Variants in PPIP5K2 observed in about 807,000 individuals in gnomAD.
PPIP5K2 encodes inositol hexakisphosphate and diphosphoinositol-pentakisphosphate kinase 2.
A neutral mutation model predicts 154.6 loss-of-function variants in PPIP5K2; 105 were observed. The ratio of observed to expected loss-of-function variants is 0.68; its 90% CI spans 0.58 to 0.80. PPIP5K2 has a LOEUF of 0.80. Ranked by LOEUF, PPIP5K2 falls within the 30% of genes least tolerant of loss-of-function variation. PPIP5K2 has a pLI of 0.00. For missense variants in PPIP5K2, 992 were observed against 1,504.6 expected (o/e 0.66, Z 5.64); for synonymous variants, 480 against 490.3 (o/e 0.98, Z 0.28).
intron 19 of PPIP5K2, among the ~76,000 whole-genome samples, chr5:103,170,646 G>A (rs1024052593): frequency 2.0e-5 from 3 of 149,846 alleles, no homozygotes; most frequent in Non-Finnish European, 3.0e-5. Context: ...TTTATTGTAA[G>A]AGAAACTTTG....
intron 3 of PPIP5K2, among the ~76,000 whole-genome samples, chr5:103,136,272 C>T (rs1791486390): frequency 1.3e-5 from 2 of 152,098 alleles, no homozygotes; most frequent in South Asian, 4.2e-4. Context: ...CATGCCTGGC[C>T]CACTGTTTTT....
intron 29 of PPIP5K2, among the ~76,000 whole-genome samples, chr5:103,194,186 G>GAGACAGAGCA (rs1801698158): frequency 6.7e-6 from 1 of 150,016 alleles, no homozygotes; most frequent in African/African-American, 2.5e-5. Flanking sequence ...TTTTCCCCCC[G>GAGACAGAGCA]AGACAGAGTC....
At position 103,211,485 on chromosome 5, in the gene PPIP5K2, T is replaced by TA. The variant is rs1444235784; in HGVS notation, c.*9852dup. 1 of 152,064 alleles carries TA rather than the reference T, an allele frequency of 6.6e-6. No homozygotes were observed. The highest frequency in any genetic ancestry group is 2.4e-5 in the African/African-American group (1 of 41,420). The allele number at this position is 152,064 out of a possible 1,614,324, so 9.4% of individuals were successfully genotyped here. On this transcript the variant is annotated 3_prime_UTR_variant, in exon 31 of 31. Transcript: ENST00000358359. ...ATCTGCTCAAAAACTCTCACCTACT[T>TA]ACTAGATATAGTGTTTGTAATGTTA... is the stretch of plus-strand genomic sequence containing the variant.
intron 29 of PPIP5K2, 25 bp from the exon 30 acceptor site, chr5:103,194,875 A>T (rs1801817424): frequency 6.3e-7 from 1 of 1,595,442 alleles, no homozygotes; most frequent in Non-Finnish European, 8.5e-7. Flanking sequence ...TTATTAAATT[A>T]ACATGTTTGT....
chr5:103,164,621 GT>G (rs1580284662), intron 17 of PPIP5K2, among the ~76,000 whole-genome samples: 3 of 151,964 alleles, frequency 2.0e-5, no homozygotes, highest in African/African-American at 7.2e-5. Flanking sequence ...TGACCTTTGA[GT>G]TTTGCTTCCA....
At position 103,173,845 on chromosome 5, in the gene PPIP5K2, C is replaced by T. The variant is rs1554220145; in HGVS notation, c.2415-13C>T. 1.4e-6 allele frequency: 2 copies of T among 1,464,294 alleles called. No homozygotes were observed. Among genetic ancestry groups the T allele is most frequent in the Admixed American group, 1.7e-5 (1 of 58,042 alleles). The allele number at this position is 1,464,294 out of a possible 1,614,324, so 90.7% of individuals were successfully genotyped here. A position where few individuals can be genotyped will look rare whatever the true frequency, so the allele number is the denominator to read the frequency against. On this transcript the variant is annotated splice_polypyrimidine_tract_variant and intron_variant, in intron 20 of 30. Coordinates refer to ENST00000358359, the MANE Select transcript of PPIP5K2 (RefSeq NM_001276277.3). ...TATGGTTATGTTTGAACACTGTCTG[C>T]TTCTAATTTTAGGTATTCTAGAGGT...
chr5:103,183,484 A>G, intron 25 of PPIP5K2, 77 bp downstream of exon 25: 21 of 1,231,706 alleles, frequency 1.7e-5, no homozygotes, highest in East Asian at 5.2e-5. Flanking sequence ...GAGGACATCT[A>G]ATCCCTTGTA....
rs1186832912 is a variant in PPIP5K2 at position 103,211,219 on chromosome 5, A to G, written c.*9585A>G. 2 of 152,124 alleles carry G rather than the reference A, an allele frequency of 1.3e-5. No homozygotes were observed. Among genetic ancestry groups the G allele is most frequent in the African/African-American group, 2.4e-5 (1 of 41,438 alleles). The allele number at this position is 152,124 out of a possible 1,614,324, so 9.4% of individuals were successfully genotyped here. The stretch of plus-strand genomic sequence containing the variant: ...CTGCTTTCTGCCCTCCATTCTGACC[A>G]ATGCTGCAACCACAAATAAAAACAT... On this transcript the variant is annotated 3_prime_UTR_variant, in exon 31 of 31. Coordinates refer to ENST00000358359, the MANE Select transcript of PPIP5K2 (RefSeq NM_001276277.3).
At chr5:103,167,910 T>C (rs556070662) in intron 18 of PPIP5K2, among the ~76,000 whole-genome samples, 162 bp from the exon 19 acceptor site, 81 of 152,016 alleles carry the variant, frequency 5.3e-4, no homozygotes, top group African/African-American at 1.9e-3. Flanking sequence ...CCTTTAAGTC[T>C]AAAAGATATA....
chr5:103,208,530 T>A lies in PPIP5K2; in HGVS notation c.*6896T>A, dbSNP rs543526924. ...ATTGGCAACTACAGGGTTACCACCT[T>A]TGGAGTCTCTTTCCTCCTGTCTGCC... is the stretch of plus-strand genomic sequence containing the variant. On this transcript the variant is annotated 3_prime_UTR_variant, in exon 31 of 31. Coordinates refer to ENST00000358359, the MANE Select transcript of PPIP5K2 (RefSeq NM_001276277.3). 1 of 152,358 alleles carries A rather than the reference T, an allele frequency of 6.6e-6. No individual in the cohort carries two copies. 9.4% of individuals were successfully genotyped at this position (152,358 alleles called of 1,614,324 possible). A position where few individuals can be genotyped will look rare whatever the true frequency, so the allele number is the denominator to read the frequency against.
intron 5 of PPIP5K2, among the ~76,000 whole-genome samples, chr5:103,139,423 T>TA (rs1792165852): frequency 6.6e-6 from 1 of 152,166 alleles, no homozygotes; most frequent in African/African-American, 2.4e-5. Flanking sequence ...GTGGTGCCTC[T>TA]AGGAGTCAGC....
rs984762577 is a variant in PPIP5K2 at position 103,128,602 on chromosome 5, G to A, written c.-284-704G>A. Among the ~76,000 whole-genome samples the A allele has an allele frequency of 5.9e-5, 9 of 152,102 alleles. No individual in the cohort carries two copies. The East Asian group carries it at 9.7e-4, about 16-fold the overall frequency. On this transcript the variant is annotated intron_variant, in intron 1 of 30. Transcript: ENST00000358359. ...AGTTCTTTAACTGATACTCATGGAC[G>A]CCTGGTTATGTGGAAGAGTTTGAAT...
Position 103,210,881 on chromosome 5 carries a change from A to G in PPIP5K2, c.*9247A>G, listed in dbSNP as rs1341248402. The G allele has an allele frequency of 6.6e-6, 1 of 152,126 alleles. No individual in the cohort carries two copies. Among genetic ancestry groups the G allele is most frequent in the East Asian group, 1.9e-4 (1 of 5,196 alleles). 9.4% of individuals were successfully genotyped at this position (152,126 alleles called of 1,614,324 possible). A position where few individuals can be genotyped will look rare whatever the true frequency, so the allele number is the denominator to read the frequency against. ...TTGTTTGATATTGTGAATGCAAACT[A>G]TTTTTTTGTGTTAGCCTAAATAAAA... On this transcript the variant is annotated 3_prime_UTR_variant, in exon 31 of 31. Coordinates refer to ENST00000358359, the MANE Select transcript of PPIP5K2 (RefSeq NM_001276277.3).
Position 103,173,152 on chromosome 5 carries a change from C to G in PPIP5K2, c.2287-3C>G, listed in dbSNP as rs376488094. The stretch of plus-strand genomic sequence containing the variant: ...TTTCTAATGTCATGTATTTTTTGCT[C>G]AGGAATATGGTATAACTAAAGCTGA... On this transcript the variant is annotated splice_region_variant and splice_polypyrimidine_tract_variant and intron_variant, in intron 19 of 30. Coordinates refer to ENST00000358359, the MANE Select transcript of PPIP5K2 (RefSeq NM_001276277.3). The G allele has an allele frequency of 6.3e-7, 1 of 1,578,448 alleles. No individual in the cohort carries two copies.
At chr5:103,123,591 A>G (rs1789142545) in intron 1 of PPIP5K2, among the ~76,000 whole-genome samples, 1 of 152,228 alleles carries the variant, frequency 6.6e-6, no homozygotes, top group Non-Finnish European at 1.5e-5. Flanking sequence ...TCTTTTGTAC[A>G]GTTAGATTCC....
At chr5:103,176,738 C>G in intron 21 of PPIP5K2, 1 of 527,786 alleles carries the variant, frequency 1.9e-6, no homozygotes, top group Non-Finnish European at 3.3e-6. Flanking sequence ...ATCCTGTTAA[C>G]TGTTGACTAT....
At chr5:103,154,049 G>T in intron 11 of PPIP5K2, 115 bp downstream of exon 11, 2 of 674,668 alleles carry the variant, frequency 3.0e-6, no homozygotes, top group South Asian at 2.4e-5. Context: ...ACTGTCTCTT[G>T]GCCATTTATA....
In PPIP5K2 at chr5:103,202,242, T is replaced by G. The variant is rs1203548117; in HGVS notation, c.*608T>G. On this transcript the variant is annotated 3_prime_UTR_variant, in exon 31 of 31. Coordinates refer to ENST00000358359, the MANE Select transcript of PPIP5K2 (RefSeq NM_001276277.3). ...TTATTTAAAATATTACATATGCAGC[T>G]GGGAGAACTACACCTTTGTGCACAT... 2 of 152,356 alleles carry G rather than the reference T, an allele frequency of 1.3e-5. No homozygotes were observed. Among genetic ancestry groups the G allele is most frequent in the Non-Finnish European group, 2.9e-5 (2 of 67,974 alleles). 9.4% of individuals were successfully genotyped at this position (152,356 alleles called of 1,614,324 possible).
chr5:103,186,004 T>C (rs1316721293), intron 26 of PPIP5K2, among the ~76,000 whole-genome samples: 1 of 152,078 alleles, frequency 6.6e-6, no homozygotes, highest in Non-Finnish European at 1.5e-5. Flanking sequence ...CCTAAGTTAT[T>C]TTTATGGCAG....
Sources: gnomAD v4.1 joint callset for allele counts (sites outside exome capture counted in the v4.1 genomes callset) on GRCh38, gnomAD v4.1.1 for gene constraint, MANE v1.5 for transcripts, NCBI Gene and HGNC (gene_info 2026-07-23, HGNC 2026-07-21) for gene names.